The following URI1 variants were observed in gnomAD, a reference collection of about 807,000 sequenced individuals.
URI1 encodes the protein URI1 prefoldin like chaperone.
In URI1, 39 loss-of-function variants were observed where a neutral mutation model predicts 60.2. The ratio of observed to expected loss-of-function variants is 0.65; its 90% CI spans 0.50 to 0.85. The LOEUF (loss-of-function observed/expected upper bound fraction) is 0.85. Among genes scored for constraint, URI1 ranks in the 40% least tolerant of loss-of-function variants. The probability of loss-of-function intolerance (pLI) is 0.00; values close to 1 mark genes in which losing one functional copy is unlikely to be tolerated. For synonymous variants in URI1, 251 were observed against 236.8 expected (o/e 1.06, Z -0.55); for missense variants, 691 against 665.9 (o/e 1.04, Z -0.42).
At chr19:30,003,688 A>G (rs189071409) in intron 4 of URI1, among the ~76,000 whole-genome samples, 18 of 152,200 alleles carry the variant, frequency 1.2e-4, no homozygotes, top group Admixed American at 7.9e-4. Flanking sequence ...TCAGTGAACA[A>G]TCAATTCTTT....
chr19:29,944,171 A>ATG (rs2055071941), intron 1 of URI1, among the ~76,000 whole-genome samples: 1 of 77,426 alleles, frequency 1.3e-5, no homozygotes, highest in Non-Finnish European at 2.3e-5. Flanking sequence ...ATATATATAT[A>ATG]TATATATATA....
intron 4 of URI1, among the ~76,000 whole-genome samples, chr19:30,000,655 A>G (rs1003757599): frequency 1.3e-5 from 2 of 151,768 alleles, no homozygotes; most frequent in Non-Finnish European, 2.9e-5. Context: ...TTTTCTTTGT[A>G]TATAACTTGT....
chr19:30,005,256 A>T, intron 4 of URI1, 105 bp from the exon 5 acceptor site: 1 of 629,998 alleles, frequency 1.6e-6, no homozygotes, highest in Non-Finnish European at 2.7e-6. Flanking sequence ...TTTGAAAAGC[A>T]TTACTGTTAA....
intron 4 of URI1, among the ~76,000 whole-genome samples, chr19:30,003,744 G>A (rs1219169199): frequency 6.6e-6 from 1 of 151,928 alleles, no homozygotes; most frequent in Admixed American, 6.6e-5. Context: ...TAGCTTAGTT[G>A]CACAGTATTT....
chr19:30,011,360 G>A lies in URI1; in HGVS notation c.1178+124G>A, dbSNP rs1028284798. ...CTCACTGAAAAGTGAAGTGTTCTGAGGAGTTAACTTAGGATCTGATAGGCT... is the reference window on the plus strand; with the variant it reads ...CTCACTGAAAAGTGAAGTGTTCTGAAGAGTTAACTTAGGATCTGATAGGCT... On this transcript the variant is annotated intron_variant, in intron 9 of 10. Coordinates refer to ENST00000392271, the MANE Select transcript of URI1 (RefSeq NM_003796.3). 1.2e-5 allele frequency: 15 copies of A among 1,290,396 alleles called. No homozygotes were observed. In the African/African-American group the frequency reaches 2.2e-4, roughly 19 times the overall value. 79.9% of individuals were successfully genotyped at this position (1,290,396 alleles called of 1,614,324 possible). A position where few individuals can be genotyped will look rare whatever the true frequency, so the allele number is the denominator to read the frequency against.
chr19:29,969,844 A>G (rs916320096), intron 1 of URI1, among the ~76,000 whole-genome samples: 2 of 152,170 alleles, frequency 1.3e-5, no homozygotes, highest in African/African-American at 4.8e-5. Context: ...GGATTGATGT[A>G]GTTTTAGCTT....
intron 6 of URI1, 42 bp from the exon 7 acceptor site, chr19:30,007,428 T>TTAAA: frequency 3.1e-6 from 5 of 1,597,180 alleles, no homozygotes; most frequent in Non-Finnish European, 4.3e-6. Flanking sequence ...GCCTTTTTTA[T>TTAAA]GTTGGCTATT....
At chr19:29,964,538 C>G (rs1425180456) in intron 1 of URI1, among the ~76,000 whole-genome samples, 1 of 145,844 alleles carries the variant, frequency 6.9e-6, no homozygotes, top group East Asian at 2.0e-4. Context: ...GACCTTGGCT[C>G]ACTGCAACCT....
upstream of URI1, among the ~76,000 whole-genome samples, chr19:29,941,915 G>A (rs1437800044): frequency 6.6e-6 from 1 of 151,822 alleles, no homozygotes; most frequent in Non-Finnish European, 1.5e-5. Context: ...GGGAGATGGG[G>A]CACTCAAGGC....
chr19:29,933,835 AAT>A (rs2054943987), intron 1 of URI1, among the ~76,000 whole-genome samples: 1 of 151,552 alleles, frequency 6.6e-6, no homozygotes, highest in Non-Finnish European at 1.5e-5. Flanking sequence ...AAAAAAAAAA[AAT>A]CAACTTTTAT....
intron 4 of URI1, among the ~76,000 whole-genome samples, chr19:30,000,933 GTAT>G (rs2055870421): frequency 6.6e-6 from 1 of 151,614 alleles, no homozygotes; most frequent in African/African-American, 2.4e-5. Flanking sequence ...TTTAAATCAT[GTAT>G]TGACTTTAAA....
chr19:30,002,922 T>G (rs2055895991), intron 4 of URI1, among the ~76,000 whole-genome samples: 1 of 152,020 alleles, frequency 6.6e-6, no homozygotes, highest in Admixed American at 6.6e-5. Context: ...AGATTTCAAC[T>G]TAGCCATGTT....
At chr19:29,957,551 C>G (rs927016397) in intron 1 of URI1, among the ~76,000 whole-genome samples, 5 of 152,036 alleles carry the variant, frequency 3.3e-5, no homozygotes, top group Admixed American at 2.6e-4. Context: ...TATAATAGGT[C>G]TTGATATCTA....
chr19:30,009,985 A>G (rs1013350932), intron 8 of URI1, among the ~76,000 whole-genome samples: 1 of 152,192 alleles, frequency 6.6e-6, no homozygotes, highest in Non-Finnish European at 1.5e-5. Context: ...TATTTAAAAT[A>G]GATCAAAGCA....
Position 29,964,459 on chromosome 19 carries a change from G to GTTTTTTTT in URI1, c.118-6730_118-6729insTTTTTTTT, listed in dbSNP as rs202018051. Reference sequence around the variant, plus strand: ...GTGGTTTCTTTTGTTTTTGTTTTTTGTTTTGTTTTTTTTTTTTTTTTTGAG... The same window carrying GTTTTTTTT: ...GTGGTTTCTTTTGTTTTTGTTTTTTGTTTTTTTTTTTTGTTTTTTTTTTTTTTTTTGAG... On this transcript the variant is annotated intron_variant, in intron 1 of 10. Coordinates refer to ENST00000392271, the MANE Select transcript of URI1 (RefSeq NM_003796.3). 2.3e-4 allele frequency among the ~76,000 whole-genome samples: 31 copies of GTTTTTTTT among 133,372 alleles called. 1 individual carries two copies. Among genetic ancestry groups the GTTTTTTTT allele is most frequent in the African/African-American group, 6.2e-4 (22 of 35,454 alleles). 87.5% of individuals were successfully genotyped at this position (133,372 alleles called of 152,430 possible).
At chr19:29,965,268 C>T (rs746155325) in intron 1 of URI1, among the ~76,000 whole-genome samples, 5 of 152,070 alleles carry the variant, frequency 3.3e-5, no homozygotes, top group Non-Finnish European at 2.9e-5. Flanking sequence ...TGGCTACAGA[C>T]GGAGAAATGG....
intron 1 of URI1, among the ~76,000 whole-genome samples, chr19:29,957,322 C>T (rs193138109): frequency 8.0e-6 from 1 of 125,228 alleles, no homozygotes; most frequent in Admixed American, 8.8e-5. Context: ...TGCCTTGTAC[C>T]TTGTAATTTT....
At chr19:29,971,689 C>CT (rs533979534) in intron 2 of URI1, among the ~76,000 whole-genome samples, 1,878 of 138,488 alleles carry the variant, frequency 0.014, 37 homozygotes, top group African/African-American at 0.036. Context: ...ATTGACTGTA[C>CT]TTTTTTTTTT....
chr19:29,983,481 G>A (rs1201302956), intron 2 of URI1, among the ~76,000 whole-genome samples: 1 of 152,098 alleles, frequency 6.6e-6, no homozygotes, highest in Non-Finnish European at 1.5e-5. Context: ...TGTGATGTTT[G>A]TCATTTATAT....
Sources: allele counts gnomAD v4.1 joint callset (sites outside exome capture counted in the v4.1 genomes callset), GRCh38; gene constraint gnomAD v4.1.1; transcripts MANE v1.5; gene names NCBI Gene and HGNC (gene_info 2026-07-23, HGNC 2026-07-21).